Variants in FRAS1 observed in about 807,000 individuals in gnomAD.
FRAS1 encodes Fraser extracellular matrix complex subunit 1, also known as extracellular matrix organizing protein FRAS1.
In FRAS1, 290 loss-of-function variants were observed where a neutral mutation model predicts 435.2. The ratio of observed to expected loss-of-function variants is 0.67; its 90% confidence interval spans 0.61 to 0.73. FRAS1 has a LOEUF of 0.73. Among genes scored for constraint, FRAS1 ranks in the 30% least tolerant of loss-of-function variants. The probability of loss-of-function intolerance (pLI) is 0.00; values close to 1 mark genes in which losing one functional copy is unlikely to be tolerated. For synonymous variants in FRAS1, 1,800 were observed against 1,851.0 expected, an observed-to-expected ratio of 0.97 and a Z score of 0.71; for missense variants, 4,860 against 5,001.5, an observed-to-expected ratio of 0.97 and a Z score of 0.85.
At chr4:78,120,280 A>G (rs1718934273) in intron 2 of FRAS1, among the ~76,000 whole-genome samples, 1 of 152,232 alleles carries the variant, frequency 6.6e-6, no homozygotes, top group Non-Finnish European at 1.5e-5. Context: ...TAACTCCTCC[A>G]GAATCGTGGC....
intron 3 of FRAS1, 57 bp from the exon 4 acceptor site, chr4:78,245,176 A>C: frequency 8.4e-7 from 1 of 1,190,306 alleles, no homozygotes; most frequent in Non-Finnish European, 1.2e-6. Context: ...CTGATGAACT[A>C]TTGTGACTTG....
At position 78,297,153 on chromosome 4, in the gene FRAS1, TTGCATATATCACACC is replaced by T. The variant is rs113645933; in HGVS notation, c.1534+10618_1534+10632del. ...TAATAACAGAATGAAGGAATTTGAT[TTGCATATATCACACC>T]TGCTTGTGCCTGAAGTTAGGGCTTT... On this transcript the variant is annotated intron_variant, in intron 14 of 73. Transcript: ENST00000512123. Among the ~76,000 whole-genome samples the T allele has an allele frequency of 9.9e-3, 1,511 of 152,334 alleles. 24 individuals are homozygous for T. The highest frequency in any genetic ancestry group is 0.034 in the African/African-American group (1,413 of 41,574).
At chr4:78,368,127 A>G (rs1169400676) in intron 22 of FRAS1, among the ~76,000 whole-genome samples, 1 of 147,140 alleles carries the variant, frequency 6.8e-6, no homozygotes, top group Non-Finnish European at 1.5e-5. Context: ...AAGATACACC[A>G]TGCATAAAAA....
rs773428441 is a variant in FRAS1 at position 78,450,185 on chromosome 4, A to G, written c.6309A>G (p.Lys2103=). The part of the protein sequence containing the change: ...SVARITEQHL[K]VTDIDSDDHQ... ...CACGCATCACAGAACAGCACTTGAA[A>G]GTGACAGATATTGACTCAGATGACC... Residue 2103 remains lysine (K), a synonymous_variant, in exon 45 of 74, where the codon AAA becomes AAG. Transcript: ENST00000512123. The G allele has an allele frequency of 1.2e-6, 2 of 1,613,858 alleles. No homozygotes were observed. Among genetic ancestry groups the G allele is most frequent in the South Asian group, 2.2e-5 (2 of 91,072 alleles).
chr4:78,302,123 A>C (rs1316804138), intron 14 of FRAS1, among the ~76,000 whole-genome samples: 1 of 149,764 alleles, frequency 6.7e-6, no homozygotes, highest in Non-Finnish European at 1.5e-5. Flanking sequence ...TTTGTTCTTG[A>C]GATAGTTTAC....
chr4:78,128,716 C>G (rs2109978480), intron 2 of FRAS1, among the ~76,000 whole-genome samples: 1 of 152,284 alleles, frequency 6.6e-6, no homozygotes, highest in African/African-American at 2.4e-5. Context: ...CCTGTTCGCT[C>G]TGATGGTAGT....
At chr4:78,152,227 A>T (rs1261100856) in intron 2 of FRAS1, among the ~76,000 whole-genome samples, 1 of 152,072 alleles carries the variant, frequency 6.6e-6, no homozygotes, top group Non-Finnish European at 1.5e-5. Flanking sequence ...TTCCTTGTGG[A>T]TTCATGTATT....
intron 43 of FRAS1, 45 bp downstream of exon 43, chr4:78,446,925 G>A (rs1456273997): frequency 1.9e-6 from 3 of 1,542,166 alleles, no homozygotes; most frequent in Non-Finnish European, 2.6e-6. Flanking sequence ...TGAGATGCCC[G>A]ATGGGCTGTT....
At chr4:78,130,230 A>AT (rs565267064) in intron 2 of FRAS1, among the ~76,000 whole-genome samples, 8 of 152,146 alleles carry the variant, frequency 5.3e-5, no homozygotes, top group Admixed American at 3.9e-4. Context: ...ATTAACGGTG[A>AT]TTTTTTAAAA....
intron 35 of FRAS1, among the ~76,000 whole-genome samples, chr4:78,425,219 T>C (rs1399987387): frequency 2.6e-5 from 4 of 152,158 alleles, no homozygotes; most frequent in Non-Finnish European, 5.9e-5. Flanking sequence ...AAGTCTTGAA[T>C]AGAGCCATTC....
chr4:78,162,087 T>C lies in FRAS1; in HGVS notation c.109-75423T>C, dbSNP rs141714260. ...AGTATAAAATTGTGGCCAAATGTTA[T>C]GCAAACTGCTAATTTATTGATATGA... is the stretch of plus-strand genomic sequence containing the variant. On this transcript the variant is annotated intron_variant, in intron 2 of 73. Coordinates refer to ENST00000512123, the MANE Select transcript of FRAS1 (RefSeq NM_025074.7). Among the ~76,000 whole-genome samples, 686 of 152,298 alleles carry C rather than the reference T, an allele frequency of 4.5e-3. 4 individuals carry two copies. The highest frequency in any genetic ancestry group is 7.7e-3 in the Admixed American group (118 of 15,294).
At chr4:78,408,958 GC>G (rs1733210429) in intron 31 of FRAS1, among the ~76,000 whole-genome samples, 1 of 151,434 alleles carries the variant, frequency 6.6e-6, no homozygotes, top group Non-Finnish European at 1.5e-5. Context: ...ACCCTGTCTC[GC>G]AAAAAATACA....
chr4:78,242,125 T>C (rs1560598615), intron 3 of FRAS1, among the ~76,000 whole-genome samples: 2 of 152,206 alleles, frequency 1.3e-5, no homozygotes, highest in Non-Finnish European at 2.9e-5. Flanking sequence ...TTATTTCAAG[T>C]AATGAAATAG....
intron 20 of FRAS1, among the ~76,000 whole-genome samples, chr4:78,338,457 C>G (rs1029448063): frequency 1.3e-5 from 2 of 152,144 alleles, no homozygotes; most frequent in African/African-American, 4.8e-5. Flanking sequence ...ATGAAGGAGA[C>G]AATGACTCCA....
chr4:78,205,492 C>T (rs1331871051), intron 2 of FRAS1, among the ~76,000 whole-genome samples: 2 of 152,148 alleles, frequency 1.3e-5, no homozygotes, highest in African/African-American at 4.8e-5. Context: ...CTGCGTCCAG[C>T]CTAGACTCTT....
intron 19 of FRAS1, 21 bp from the exon 20 acceptor site, chr4:78,337,653 T>A: frequency 6.2e-7 from 1 of 1,607,466 alleles, no homozygotes; most frequent in Non-Finnish European, 8.5e-7. Flanking sequence ...ATTCCAATCC[T>A]GGTTTTCGTC....
intron 19 of FRAS1, among the ~76,000 whole-genome samples, chr4:78,336,628 TCTTG>T (rs917773272): frequency 3.9e-5 from 6 of 152,260 alleles, no homozygotes; most frequent in South Asian, 2.1e-4. Context: ...CAGTTTATTT[TCTTG>T]CTTGCTTGCT....
At chr4:78,437,346 C>T (rs1337099544) in intron 38 of FRAS1, among the ~76,000 whole-genome samples, 1 of 152,128 alleles carries the variant, frequency 6.6e-6, no homozygotes, top group Non-Finnish European at 1.5e-5. Flanking sequence ...TCAGAGAGAA[C>T]GCACAGTAAT....
intron 61 of FRAS1, among the ~76,000 whole-genome samples, chr4:78,506,324 T>C (rs929600835): frequency 7.2e-5 from 11 of 152,238 alleles, no homozygotes; most frequent in African/African-American, 2.7e-4. Context: ...AAGTTTCTGC[T>C]GGCTTTTGTT....
Sources: gnomAD v4.1 joint callset for allele counts (sites outside exome capture counted in the v4.1 genomes callset) on GRCh38, gnomAD v4.1.1 for gene constraint, MANE v1.5 for transcripts, NCBI Gene and HGNC (gene_info 2026-07-23, HGNC 2026-07-21) for gene names.